The following GPC5 variants were observed in gnomAD, a reference collection of about 807,000 sequenced individuals.
The protein encoded by GPC5 is glypican-5.
GPC5 carries 47 observed loss-of-function variants against 53.9 expected under a neutral mutation model. That is an observed-to-expected ratio of 0.87 (90% CI 0.69 to 1.11). The LOEUF (loss-of-function observed/expected upper bound fraction) is 1.11. Among genes scored for constraint, GPC5 ranks in the 50% most tolerant of loss-of-function variants. The probability of loss-of-function intolerance (pLI) is 0.00; values close to 1 mark genes in which losing one functional copy is unlikely to be tolerated. For synonymous variants in GPC5, 286 were observed against 263.3 expected, an observed-to-expected ratio of 1.09 and a Z score of -0.84; for missense variants, 748 against 713.1, an observed-to-expected ratio of 1.05 and a Z score of -0.56.
chr13:91,860,016 T>A (rs1160484633), intron 5 of GPC5, among the ~76,000 whole-genome samples: 1 of 152,140 alleles, frequency 6.6e-6, no homozygotes, highest in Non-Finnish European at 1.5e-5. Flanking sequence ...CCTGATGAGA[T>A]GATGGTAATT....
At chr13:92,187,007 G>A (rs559763272) in intron 7 of GPC5, among the ~76,000 whole-genome samples, 13 of 152,174 alleles carry the variant, frequency 8.5e-5, no homozygotes, top group African/African-American at 2.6e-4. Flanking sequence ...AGCTGCTCAG[G>A]AGGCTGAGGT....
intron 7 of GPC5, among the ~76,000 whole-genome samples, chr13:92,257,003 C>A (rs979650512): frequency 6.6e-6 from 1 of 152,028 alleles, no homozygotes; most frequent in African/African-American, 2.4e-5. Context: ...TGCCACTCTT[C>A]GATTCTATGA....
In GPC5 at chr13:91,717,038, C is replaced by T. The variant is rs956367847; in HGVS notation, c.1021-11494C>T. 5.3e-5 allele frequency among the ~76,000 whole-genome samples: 8 copies of T among 152,240 alleles called. No individual in the cohort carries two copies. The South Asian group carries it at 6.2e-4, about 12-fold the overall frequency. On this transcript the variant is annotated intron_variant, in intron 3 of 7. Transcript: ENST00000377067. ...GCTACAGGACAAATCCCACCGGGGA[C>T]GTGCAAACCAAATGCTGGCAAGGTT...
At chr13:91,495,872 A>G (rs1347314676) in intron 2 of GPC5, among the ~76,000 whole-genome samples, 2 of 152,014 alleles carry the variant, frequency 1.3e-5, no homozygotes, top group Non-Finnish European at 2.9e-5. Context: ...AAAATACGAA[A>G]ATTAGCTGGG....
intron 1 of GPC5, among the ~76,000 whole-genome samples, chr13:91,427,227 G>C (rs982957364): frequency 1.3e-5 from 2 of 152,168 alleles, no homozygotes; most frequent in South Asian, 4.1e-4. Context: ...CTAGACCCTG[G>C]AATGGTAGAT....
rs189428141 is a variant in GPC5 at position 92,242,441 on chromosome 13, G to C, written c.1561+97452G>C. 4.6e-5 allele frequency among the ~76,000 whole-genome samples: 7 copies of C among 151,944 alleles called. No individual in the cohort carries two copies. In the East Asian group the frequency reaches 1.2e-3, roughly 25 times the overall value. On this transcript the variant is annotated intron_variant, in intron 7 of 7. Coordinates refer to ENST00000377067, the MANE Select transcript of GPC5 (RefSeq NM_004466.6). Reference sequence around the variant, plus strand: ...TGTTTAGAATTTGTTTTCGTGTTTTGTTCTGATCCTATTTTTTAAGAGTTC... The same window carrying C: ...TGTTTAGAATTTGTTTTCGTGTTTTCTTCTGATCCTATTTTTTAAGAGTTC...
intron 6 of GPC5, among the ~76,000 whole-genome samples, chr13:91,997,093 A>G (rs945156158): frequency 6.6e-6 from 1 of 152,116 alleles, no homozygotes; most frequent in African/African-American, 2.4e-5. Context: ...ACACATTTCT[A>G]TGGAGTATAG....
At chr13:91,634,712 C>T (rs958422898) in intron 2 of GPC5, among the ~76,000 whole-genome samples, 1 of 151,824 alleles carries the variant, frequency 6.6e-6, no homozygotes, top group Non-Finnish European at 1.5e-5. Flanking sequence ...GTTTTATATA[C>T]CAGTATTACC....
intron 7 of GPC5, among the ~76,000 whole-genome samples, chr13:92,377,686 A>G (rs1441829582): frequency 6.6e-6 from 1 of 152,186 alleles, no homozygotes; most frequent in Non-Finnish European, 1.5e-5. Flanking sequence ...TTTTTTTACT[A>G]TAACTTAATA....
chr13:92,310,520 T>C (rs909158839), intron 7 of GPC5, among the ~76,000 whole-genome samples: 6 of 152,174 alleles, frequency 3.9e-5, no homozygotes, highest in Non-Finnish European at 5.9e-5. Context: ...AATTGTTGCA[T>C]TGCATTTCAT....
chr13:92,804,460 G>A (rs917007510), intron 7 of GPC5, among the ~76,000 whole-genome samples: 1 of 151,938 alleles, frequency 6.6e-6, no homozygotes, highest in Non-Finnish European at 1.5e-5. Flanking sequence ...ATTTACACTA[G>A]TCTATTAAAT....
rs191612647 is a variant in GPC5, at chr13:92,099,678, A to T, written c.1402-45152A>T. ...GAATATAGTATCAACTGTTTACTGA[A>T]TTAAACTGAATTAAGCTGCTTTTCC... On this transcript the variant is annotated intron_variant, in intron 6 of 7. Coordinates refer to ENST00000377067, the MANE Select transcript of GPC5 (RefSeq NM_004466.6). 1.6e-3 allele frequency among the ~76,000 whole-genome samples: 251 copies of T among 152,302 alleles called. 1 individual carries two copies. Among genetic ancestry groups the T allele is most frequent in the African/African-American group, 4.9e-3 (203 of 41,574 alleles).
chr13:91,789,444 T>G (rs2037929379), intron 5 of GPC5, among the ~76,000 whole-genome samples: 1 of 152,144 alleles, frequency 6.6e-6, no homozygotes, highest in Admixed American at 6.6e-5. Context: ...CAAAGTGAGG[T>G]AGAAAATAAA....
chr13:92,105,180 T>C (rs2041500226), intron 6 of GPC5, among the ~76,000 whole-genome samples: 1 of 152,052 alleles, frequency 6.6e-6, no homozygotes, highest in African/African-American at 2.4e-5. Context: ...TTAGAGGCAC[T>C]GGTGAGGGGA....
At chr13:92,293,849 T>C (rs1302911282) in intron 7 of GPC5, among the ~76,000 whole-genome samples, 1 of 152,306 alleles carries the variant, frequency 6.6e-6, no homozygotes, top group Non-Finnish European at 1.5e-5. Context: ...GCTTTTATTA[T>C]ATTGAGCTAT....
chr13:92,771,853 T>C (rs1457608681), intron 7 of GPC5, among the ~76,000 whole-genome samples: 1 of 152,156 alleles, frequency 6.6e-6, no homozygotes, highest in Non-Finnish European at 1.5e-5. Flanking sequence ...CAATCTTACA[T>C]ATATTATGCT....
chr13:92,093,079 C>A (rs1439107782), intron 6 of GPC5, among the ~76,000 whole-genome samples: 2 of 152,170 alleles, frequency 1.3e-5, no homozygotes, highest in Non-Finnish European at 2.9e-5. Context: ...AAACCCCATA[C>A]AATCAGCTAA....
chr13:91,667,354 T>TATTTA (rs1017106919), intron 2 of GPC5, among the ~76,000 whole-genome samples: 3 of 152,218 alleles, frequency 2.0e-5, no homozygotes, highest in African/African-American at 7.2e-5. Flanking sequence ...CCTTCTCTTT[T>TATTTA]ATTTAATTAC....
At chr13:92,421,348 G>T (rs546130815) in intron 7 of GPC5, among the ~76,000 whole-genome samples, 2 of 152,278 alleles carry the variant, frequency 1.3e-5, no homozygotes, top group South Asian at 4.1e-4. Flanking sequence ...GGGAGACACT[G>T]TGTTAATCTA....
Sources: allele counts gnomAD v4.1 joint callset (sites outside exome capture counted in the v4.1 genomes callset), GRCh38; gene constraint gnomAD v4.1.1; transcripts MANE v1.5; gene names NCBI Gene and HGNC (gene_info 2026-07-23, HGNC 2026-07-21).